The following RBFOX1 variants were observed in gnomAD, a reference collection of about 807,000 sequenced individuals.
RBFOX1 encodes RNA binding fox-1 homolog 1, also known as RNA binding protein fox-1 homolog 1.
RBFOX1 carries 8 observed loss-of-function variants against 57.7 expected under a neutral mutation model. That is an observed-to-expected ratio of 0.14 (90% confidence interval 0.08 to 0.25). RBFOX1 has a LOEUF of 0.25. RBFOX1 is among the 10% of genes least tolerant of loss of function. The probability of loss-of-function intolerance (pLI) is 1.00; values close to 1 mark genes in which losing one functional copy is unlikely to be tolerated. For missense variants in RBFOX1, 611 were observed against 548.5 expected, an observed-to-expected ratio of 1.11 and a Z score of -1.14; for synonymous variants, 326 against 222.4, an observed-to-expected ratio of 1.47 and a Z score of -4.15.
At chr16:7,316,084 C>G (rs2096432227) in intron 4 of RBFOX1, among the ~76,000 whole-genome samples, 1 of 152,122 alleles carries the variant, frequency 6.6e-6, no homozygotes, top group African/African-American at 2.4e-5. Flanking sequence ...ATATCAGTTT[C>G]CAAAAAAATA....
intron 2 of RBFOX1, among the ~76,000 whole-genome samples, chr16:5,517,039 T>G (rs2043818266): frequency 6.6e-6 from 1 of 151,920 alleles, no homozygotes; most frequent in African/African-American, 2.4e-5. Context: ...GGCAAGTTGG[T>G]GCATACAGGT....
At chr16:6,116,842 G>C (rs1157229295) in intron 1 of RBFOX1, among the ~76,000 whole-genome samples, 1 of 152,114 alleles carries the variant, frequency 6.6e-6, no homozygotes, top group Non-Finnish European at 1.5e-5. Flanking sequence ...TTGGGAGACA[G>C]AGGGAGAGAG....
intron 3 of RBFOX1, among the ~76,000 whole-genome samples, chr16:5,616,576 C>T (rs578115672): frequency 6.7e-6 from 1 of 150,028 alleles, no homozygotes; most frequent in Non-Finnish European, 1.5e-5. Context: ...CTTCCCTCTC[C>T]CTTCTCCCTC....
At chr16:5,711,357 G>C (rs893737816) in intron 3 of RBFOX1, among the ~76,000 whole-genome samples, 1 of 152,212 alleles carries the variant, frequency 6.6e-6, no homozygotes, top group Admixed American at 6.5e-5. Context: ...AAGTGGCAAA[G>C]CTTAGATCTA....
At chr16:5,302,105 T>C (rs2063821113) in intron 1 of RBFOX1, among the ~76,000 whole-genome samples, 1 of 152,178 alleles carries the variant, frequency 6.6e-6, no homozygotes, top group East Asian at 1.9e-4. Context: ...CTAGTGCTGG[T>C]TTATCTGCAT....
At chr16:7,569,098 C>G (rs537859689) in intron 5 of RBFOX1, among the ~76,000 whole-genome samples, 1 of 152,138 alleles carries the variant, frequency 6.6e-6, no homozygotes, top group African/African-American at 2.4e-5. Context: ...CTTCCCCCAG[C>G]ACACCATGGC....
intron 1 of RBFOX1, among the ~76,000 whole-genome samples, chr16:6,312,578 G>A (rs1310621786): frequency 6.6e-6 from 1 of 152,046 alleles, no homozygotes; most frequent in African/African-American, 2.4e-5. Context: ...ACAGAGATGG[G>A]GAAGGGAAAT....
intron 3 of RBFOX1, among the ~76,000 whole-genome samples, chr16:6,894,922 T>C (rs545941205): frequency 2.0e-5 from 3 of 152,320 alleles, no homozygotes; most frequent in South Asian, 2.1e-4. Flanking sequence ...ATTAAATGTC[T>C]CACTGTCTCC....
intron 4 of RBFOX1, among the ~76,000 whole-genome samples, chr16:7,233,370 G>A (rs1049927093): frequency 1.1e-4 from 16 of 152,102 alleles, no homozygotes; most frequent in Non-Finnish European, 1.8e-4. Flanking sequence ...TTATTCACGT[G>A]CTTCCAAGTC....
intron 3 of RBFOX1, among the ~76,000 whole-genome samples, chr16:7,005,590 G>A (rs1473135700): frequency 6.6e-6 from 1 of 152,168 alleles, no homozygotes; most frequent in African/African-American, 2.4e-5. Context: ...TATTAGTGAT[G>A]GCTTGGTGTT....
At chr16:5,902,749 A>C (rs996006081) in intron 4 of RBFOX1, among the ~76,000 whole-genome samples, 1 of 151,980 alleles carries the variant, frequency 6.6e-6, no homozygotes, top group Non-Finnish European at 1.5e-5. Context: ...AGCCTTCATC[A>C]ATCTCTTATT....
intron 1 of RBFOX1, among the ~76,000 whole-genome samples, chr16:6,264,937 C>T (rs993087641): frequency 1.7e-4 from 26 of 152,256 alleles, no homozygotes; most frequent in African/African-American, 5.8e-4. Context: ...GAAGGAACTC[C>T]GAGTTCTGTG....
intron 4 of RBFOX1, among the ~76,000 whole-genome samples, chr16:7,208,743 A>G (rs1442742021): frequency 6.6e-6 from 1 of 152,290 alleles, no homozygotes; most frequent in African/African-American, 2.4e-5. Flanking sequence ...AGGCTGAAGC[A>G]AGAAGATTAT....
intron 1 of RBFOX1, among the ~76,000 whole-genome samples, chr16:6,031,404 G>C (rs1484778231): frequency 6.6e-6 from 1 of 152,212 alleles, no homozygotes; most frequent in East Asian, 1.9e-4. Flanking sequence ...CCTGTGCCCT[G>C]TGTTATTTTT....
At chr16:7,337,282 G>A (rs1418133705) in intron 4 of RBFOX1, among the ~76,000 whole-genome samples, 2 of 152,136 alleles carry the variant, frequency 1.3e-5, no homozygotes, top group East Asian at 3.9e-4. Context: ...TGAAAACACA[G>A]GAAAGGAAGT....
chr16:6,769,890 G>T (rs1381418013), intron 3 of RBFOX1, among the ~76,000 whole-genome samples: 1 of 152,170 alleles, frequency 6.6e-6, no homozygotes, highest in African/African-American at 2.4e-5. Flanking sequence ...TGAAATCAAA[G>T]TTCAGATTTA....
intron 4 of RBFOX1, among the ~76,000 whole-genome samples, chr16:5,886,811 C>T (rs1371651579): frequency 6.6e-6 from 1 of 152,204 alleles, no homozygotes; most frequent in East Asian, 1.9e-4. Flanking sequence ...TCACTTGAAC[C>T]TGGGAGGTGG....
intron 4 of RBFOX1, among the ~76,000 whole-genome samples, chr16:5,952,054 C>T (rs954659770): frequency 5.3e-5 from 8 of 150,366 alleles, no homozygotes; most frequent in African/African-American, 1.7e-4. Flanking sequence ...CACATATATA[C>T]ACACACATCT....
chr16:7,521,819 C>A (rs546397081), intron 5 of RBFOX1, among the ~76,000 whole-genome samples: 1 of 152,172 alleles, frequency 6.6e-6, no homozygotes, highest in Non-Finnish European at 1.5e-5. Context: ...TTGGCCCATA[C>A]AATAAAAAGT....
Sources: allele counts gnomAD v4.1 joint callset (sites outside exome capture counted in the v4.1 genomes callset), GRCh38; gene constraint gnomAD v4.1.1; transcripts MANE v1.5; gene names NCBI Gene and HGNC (gene_info 2026-07-23, HGNC 2026-07-21).